Variants in NRXN1 observed in about 807,000 individuals in gnomAD.
The protein encoded by NRXN1 is neurexin 1, also known as neurexin-1.
Under a neutral mutation model 150.9 loss-of-function variants are expected in NRXN1, and 39 were observed. The ratio of observed to expected loss-of-function variants is 0.26; its 90% CI spans 0.20 to 0.34. The LOEUF (loss-of-function observed/expected upper bound fraction) is 0.34, where lower values mean the gene tolerates loss of function less well. Ranked by LOEUF, NRXN1 falls within the 10% of genes least tolerant of loss-of-function variation. The probability of loss-of-function intolerance (pLI) is 1.00; values close to 1 mark genes in which losing one functional copy is unlikely to be tolerated. For missense variants in NRXN1, 1,815 were observed against 1,949.9 expected, an observed-to-expected ratio of 0.93 and a Z score of 1.30; for synonymous variants, 924 against 757.0, an observed-to-expected ratio of 1.22 and a Z score of -3.62.
chr2:50,450,654 T>C (rs1264678358), intron 17 of NRXN1, among the ~76,000 whole-genome samples: 2 of 152,256 alleles, frequency 1.3e-5, no homozygotes, highest in East Asian at 3.9e-4. Context: ...ACAAGGCCTT[T>C]CTCTTTTCTC....
intron 19 of NRXN1, among the ~76,000 whole-genome samples, chr2:50,062,131 AT>A (rs1350196105): frequency 5.9e-5 from 9 of 152,290 alleles, no homozygotes; most frequent in African/African-American, 2.2e-4. Flanking sequence ...CTCTATTTTG[AT>A]TAAATCCCAG....
At chr2:50,581,452 C>T (rs1296535317) in intron 8 of NRXN1, among the ~76,000 whole-genome samples, 6 of 152,046 alleles carry the variant, frequency 3.9e-5, no homozygotes, top group Non-Finnish European at 8.8e-5. Flanking sequence ...TTTCACCATC[C>T]CTCAGATTCA....
intron 5 of NRXN1, among the ~76,000 whole-genome samples, chr2:50,911,511 A>G (rs995469075): frequency 1.3e-5 from 2 of 151,894 alleles, no homozygotes; most frequent in African/African-American, 2.4e-5. Context: ...TTCTACCCCA[A>G]TAAAGCCTGA....
At chr2:50,955,088 TCACACACA>T (rs1008768093) in intron 2 of NRXN1, among the ~76,000 whole-genome samples, 2 of 152,008 alleles carry the variant, frequency 1.3e-5, no homozygotes, top group Admixed American at 1.3e-4. Context: ...TCTCTATCTC[TCACACACA>T]CACGCACACA....
chr2:49,973,621 AC>A, intron 21 of NRXN1, among the ~76,000 whole-genome samples: 1 of 152,006 alleles, frequency 6.6e-6, no homozygotes, highest in African/African-American at 2.4e-5. Flanking sequence ...ATATGCACAC[AC>A]ACACACACAC....
At chr2:50,205,051 C>T (rs2062463496) in intron 18 of NRXN1, among the ~76,000 whole-genome samples, 1 of 152,026 alleles carries the variant, frequency 6.6e-6, no homozygotes, top group Admixed American at 6.6e-5. Flanking sequence ...GGATATCAGT[C>T]CCACACAAAG....
intron 17 of NRXN1, among the ~76,000 whole-genome samples, chr2:50,398,687 T>C (rs1324542149): frequency 6.6e-6 from 1 of 152,146 alleles, no homozygotes; most frequent in Non-Finnish European, 1.5e-5. Context: ...GTCATTAGAC[T>C]AATGGGCACT....
chr2:50,533,972 C>G (rs554680065), intron 10 of NRXN1, among the ~76,000 whole-genome samples: 2 of 152,088 alleles, frequency 1.3e-5, no homozygotes, highest in South Asian at 4.2e-4. Flanking sequence ...TGTATATGCC[C>G]TTTAGAATAC....
At chr2:50,917,026 A>C (rs947873404) in intron 5 of NRXN1, 1 of 151,754 alleles carries the variant, frequency 6.6e-6, no homozygotes, top group Non-Finnish European at 1.5e-5. Context: ...TGTATAGATA[A>C]AAGTAGATAT....
intron 8 of NRXN1, among the ~76,000 whole-genome samples, chr2:50,576,403 C>T (rs1207799045): frequency 6.6e-6 from 1 of 151,862 alleles, no homozygotes; most frequent in Non-Finnish European, 1.5e-5. Flanking sequence ...AAAACAAAAC[C>T]CTATAATTCC....
At chr2:50,787,286 G>A (rs977746550) in intron 5 of NRXN1, among the ~76,000 whole-genome samples, 4 of 151,994 alleles carry the variant, frequency 2.6e-5, no homozygotes, top group Non-Finnish European at 5.9e-5. Context: ...CAGGCAGGGC[G>A]CTGTGGCTCA....
At chr2:50,325,203 T>C (rs1447928100) in intron 17 of NRXN1, among the ~76,000 whole-genome samples, 4 of 152,078 alleles carry the variant, frequency 2.6e-5, no homozygotes, top group Non-Finnish European at 5.9e-5. Context: ...AATAAAACAA[T>C]GTAGTCCAGT....
In NRXN1 at chr2:50,890,867, T is replaced by A. The variant is rs78587645; in HGVS notation, c.832+31002A>T. 8.3e-3 allele frequency among the ~76,000 whole-genome samples: 1,262 copies of A among 152,076 alleles called. 43 individuals carry two copies. The highest frequency in any genetic ancestry group is 0.057 in the East Asian group (292 of 5,154). ...TTATGCACAAAACACAAACTTCTAATGATTAGGTTTATTTTCAGTAATATC... is the reference window on the plus strand; with the variant it reads ...TTATGCACAAAACACAAACTTCTAAAGATTAGGTTTATTTTCAGTAATATC... On this transcript the variant is annotated intron_variant, in intron 5 of 22. Coordinates refer to ENST00000401669, the MANE Select transcript of NRXN1 (RefSeq NM_001330078.2).
intron 8 of NRXN1, among the ~76,000 whole-genome samples, chr2:50,618,187 C>T (rs185783144): frequency 8.5e-5 from 13 of 152,086 alleles, no homozygotes; most frequent in Non-Finnish European, 7.4e-5. Context: ...ATTGGGGATG[C>T]GGCTCTGCCC....
At chr2:50,055,617 A>T (rs1693473558) in intron 19 of NRXN1, among the ~76,000 whole-genome samples, 1 of 152,216 alleles carries the variant, frequency 6.6e-6, no homozygotes, top group Admixed American at 6.5e-5. Context: ...TGTATTTCAC[A>T]CAAATTGATT....
rs199664122 is a variant in NRXN1 at position 50,223,193 on chromosome 2, T to TA, written c.3546+13595dup. 7.6e-4 allele frequency among the ~76,000 whole-genome samples: 114 copies of TA among 150,818 alleles called. 2 individuals carry two copies. In the East Asian group the frequency reaches 0.02, roughly 26 times the overall value. ...GAAGAATACCAAAAAATTAGTAAGT[T>TA]AAAAAAAAAGTTAAATAATATAAAT... On this transcript the variant is annotated intron_variant, in intron 18 of 22. Coordinates refer to ENST00000401669, the MANE Select transcript of NRXN1 (RefSeq NM_001330078.2).
At chr2:50,070,087 C>T (rs1175950639) in intron 19 of NRXN1, among the ~76,000 whole-genome samples, 6 of 151,802 alleles carry the variant, frequency 4.0e-5, no homozygotes, top group South Asian at 2.1e-4. Flanking sequence ...CCTGACCTTG[C>T]GATCTGCCCG....
intron 18 of NRXN1, among the ~76,000 whole-genome samples, chr2:50,109,227 G>C (rs1252169503): frequency 2.6e-5 from 4 of 152,070 alleles, no homozygotes; most frequent in Admixed American, 6.6e-5. Flanking sequence ...TGCAATTTTT[G>C]TCTCTAACTA....
At chr2:50,278,299 ATATATTTTATATATATAT>A (rs2070909488) in intron 17 of NRXN1, among the ~76,000 whole-genome samples, 3 of 125,564 alleles carry the variant, frequency 2.4e-5, no homozygotes, top group Non-Finnish European at 4.7e-5. Flanking sequence ...CATATATAAT[ATATATTTTATATATATAT>A]TATATATATA....
Sources: allele counts gnomAD v4.1 joint callset (sites outside exome capture counted in the v4.1 genomes callset), GRCh38; gene constraint gnomAD v4.1.1; transcripts MANE v1.5; gene names NCBI Gene and HGNC (gene_info 2026-07-23, HGNC 2026-07-21).